The following FAM91A1 variants were observed in gnomAD, a reference collection of about 807,000 sequenced individuals.
The protein encoded by FAM91A1 is family with sequence similarity 91 member A1.
FAM91A1 carries 41 observed loss-of-function variants against 113.5 expected under a neutral mutation model. That is an observed-to-expected ratio of 0.36 (90% confidence interval 0.28 to 0.47). The LOEUF (loss-of-function observed/expected upper bound fraction) is 0.47. FAM91A1 is among the 20% of genes least tolerant of loss of function. FAM91A1 has a pLI of 1.00. For synonymous variants in FAM91A1, 307 were observed against 347.9 expected, an observed-to-expected ratio of 0.88 and a Z score of 1.31; for missense variants, 696 against 1,001.2, an observed-to-expected ratio of 0.70 and a Z score of 4.11.
At chr8:123,771,727 A>T (rs914058874) in intron 1 of FAM91A1, among the ~76,000 whole-genome samples, 3 of 152,160 alleles carry the variant, frequency 2.0e-5, no homozygotes, top group Non-Finnish European at 2.9e-5. Flanking sequence ...AATTTAAAAA[A>T]TTTTTTGATG....
At chr8:123,769,202 T>G (rs1276331049) in intron 1 of FAM91A1, among the ~76,000 whole-genome samples, 1 of 152,164 alleles carries the variant, frequency 6.6e-6, no homozygotes, top group African/African-American at 2.4e-5. Flanking sequence ...GAAATTATCC[T>G]GGGAGAGTTG....
At chr8:123,791,412 A>G (rs1586383098) in intron 15 of FAM91A1, among the ~76,000 whole-genome samples, 2 of 152,024 alleles carry the variant, frequency 1.3e-5, no homozygotes, top group Admixed American at 1.3e-4. Context: ...TTTTTTCCCC[A>G]TGAATAGTCA....
At chr8:123,812,400 TAC>T in intron 23 of FAM91A1, 117 bp from the exon 24 acceptor site, 3 of 782,524 alleles carry the variant, frequency 3.8e-6, no homozygotes, top group South Asian at 2.1e-5. Context: ...GCATCTCCTG[TAC>T]TGCTTTGCAA....
Position 123,777,305 on chromosome 8 carries a change from A to G in FAM91A1, c.350A>G (p.Asn117Ser), listed in dbSNP as rs1286200610. The G allele has an allele frequency of 1.1e-5, 18 of 1,612,072 alleles. No homozygotes were observed. The highest frequency in any genetic ancestry group is 1.3e-5 in the African/African-American group (1 of 74,868). ...GAGAAAAGTTATGATTCATTGCCCA[A>G]TTTTACTGCTGCTGACTGTAAGTAT... ...NSEKSYDSLPNFTAADCLRLL... is the reference protein window; with the variant it reads ...NSEKSYDSLPSFTAADCLRLL... The change falls in exon 4 of 24, where the codon AAT (asparagine) becomes AGT (serine). Residue 117 changes from asparagine (N) to serine (S), a missense_variant. Coordinates refer to ENST00000334705, the MANE Select transcript of FAM91A1 (RefSeq NM_144963.4).
Position 123,812,724 on chromosome 8 carries a change from G to A in FAM91A1, c.*20G>A. 1 of 1,518,962 alleles carries A rather than the reference G, an allele frequency of 6.6e-7. No individual in the cohort carries two copies. Among genetic ancestry groups the A allele is most frequent in the Non-Finnish European group, 8.8e-7 (1 of 1,137,012 alleles). 94.1% of individuals were successfully genotyped at this position (1,518,962 alleles called of 1,614,324 possible). A position where few individuals can be genotyped will look rare whatever the true frequency, so the allele number is the denominator to read the frequency against. ...CAATAATTTGGTTACACCATTTGTT[G>A]CTCACACTTTCTGCCTTTTTTCTTT... is the stretch of plus-strand genomic sequence containing the variant. On this transcript the variant is annotated 3_prime_UTR_variant, in exon 24 of 24. Transcript: ENST00000334705.
chr8:123,780,041 ACT>A lies in FAM91A1; in HGVS notation c.611_612del (p.Ser204TrpfsTer10). ...VDKIIDSGPQ[L>X]SGSLDYNVVH... Reference sequence around the variant, plus strand: ...ATAAGATCATCGATTCAGGCCCTCAACTCTCTGGATCACTAGATTACAATGTA... The same window carrying A: ...ATAAGATCATCGATTCAGGCCCTCAACTCTGGATCACTAGATTACAATGTA... On this transcript the variant is annotated frameshift_variant, in exon 7 of 24. Coordinates refer to ENST00000334705, the MANE Select transcript of FAM91A1 (RefSeq NM_144963.4). LOFTEE classifies it high-confidence loss of function. The A allele has an allele frequency of 6.2e-7, 1 of 1,613,560 alleles. No individual in the cohort carries two copies. The highest frequency in any genetic ancestry group is 8.5e-7 in the Non-Finnish European group (1 of 1,179,668).
intron 15 of FAM91A1, among the ~76,000 whole-genome samples, chr8:123,795,446 G>A (rs1815492230): frequency 6.8e-6 from 1 of 147,376 alleles, no homozygotes; most frequent in African/African-American, 2.5e-5. Flanking sequence ...GTAAAAGTGT[G>A]TGCATCTTCC....
At chr8:123,809,304 G>A (rs1586398058) in intron 22 of FAM91A1, among the ~76,000 whole-genome samples, 2 of 152,230 alleles carry the variant, frequency 1.3e-5, no homozygotes, top group African/African-American at 4.8e-5. Context: ...CTGATATGGA[G>A]TATGAACCTA....
chr8:123,791,806 T>A (rs981029536), intron 15 of FAM91A1, among the ~76,000 whole-genome samples: 3 of 152,208 alleles, frequency 2.0e-5, no homozygotes, highest in Non-Finnish European at 4.4e-5. Flanking sequence ...CATTAAGGCT[T>A]CATGCTCAGC....
chr8:123,768,951 C>A (rs533163809), intron 1 of FAM91A1, among the ~76,000 whole-genome samples, 177 bp downstream of exon 1: 79 of 152,306 alleles, frequency 5.2e-4, no homozygotes, highest in African/African-American at 1.8e-3. Context: ...GGCTGTGGGG[C>A]CACAGGGCCA....
rs1284958418 is a variant in FAM91A1 at position 123,775,160 on chromosome 8, G to C, written c.171G>C (p.Lys57Asn). The C allele has an allele frequency of 1.7e-5, 28 of 1,605,678 alleles. No individual in the cohort carries two copies. Among genetic ancestry groups the C allele is most frequent in the Non-Finnish European group, 2.4e-5 (28 of 1,175,888 alleles). ...TCTTTTGTGCAGTTAAACATGTCAA[G>C]AAAGATGAACGCAGATACTATGAGG... ...RYRNNLVKHV[K>N]KDERRYYEEL... Residue 57 changes from lysine (K) to asparagine (N), a missense_variant, in exon 3 of 24, where the codon AAG becomes AAC. By Grantham distance (94) the Lys-to-Asn change is moderately conservative. Transcript: ENST00000334705.
intron 23 of FAM91A1, chr8:123,811,093 T>C (rs2130169058): frequency 6.6e-6 from 1 of 152,364 alleles, no homozygotes; most frequent in African/African-American, 2.4e-5. Context: ...CAGGATAATA[T>C]AAGCTGAAGC....
At chr8:123,789,205 T>A (rs1586381131) in intron 14 of FAM91A1, among the ~76,000 whole-genome samples, 1 of 152,182 alleles carries the variant, frequency 6.6e-6, no homozygotes, top group African/African-American at 2.4e-5. Flanking sequence ...AATCACAGAC[T>A]CCAGTGTCTC....
intron 18 of FAM91A1, among the ~76,000 whole-genome samples, chr8:123,800,591 A>G (rs1028884494): frequency 1.8e-4 from 28 of 152,176 alleles, no homozygotes; most frequent in African/African-American, 6.5e-4. Flanking sequence ...ATGTACAGCC[A>G]TCACCACACT....
intron 14 of FAM91A1, among the ~76,000 whole-genome samples, chr8:123,789,210 T>G (rs1815325684): frequency 6.6e-6 from 1 of 152,198 alleles, no homozygotes; most frequent in Non-Finnish European, 1.5e-5. Flanking sequence ...CAGACTCCAG[T>G]GTCTCTTGTA....
intron 19 of FAM91A1, 26 bp downstream of exon 19, chr8:123,805,365 C>CT (rs71576705): frequency 0.054 from 66,282 of 1,218,158 alleles, no homozygotes; most frequent in South Asian, 0.061. Flanking sequence ...TATCTATTGA[C>CT]TTTTTTTTTT....
chr8:123,776,729 C>T (rs1814991610), intron 3 of FAM91A1, among the ~76,000 whole-genome samples: 1 of 152,150 alleles, frequency 6.6e-6, no homozygotes, highest in South Asian at 2.1e-4. Flanking sequence ...CGGTAGAAAA[C>T]GGGCCTTATC....
Position 123,814,942 on chromosome 8 carries a change from T to C in FAM91A1, c.*2238T>C, listed in dbSNP as rs1291237922. 6.6e-6 allele frequency: 1 copy of C among 152,646 alleles called. No homozygotes were observed. The highest frequency in any genetic ancestry group is 3.2e-3 in the Middle Eastern group (1 of 316). 9.5% of individuals were successfully genotyped at this position (152,646 alleles called of 1,614,324 possible). A position where few individuals can be genotyped will look rare whatever the true frequency, so the allele number is the denominator to read the frequency against. ...TTATTTTGCAAATAGTTAATTTCAT[T>C]TGGCTTTTTACCATGTTCCTTCCTT... On this transcript the variant is annotated 3_prime_UTR_variant, in exon 24 of 24. Transcript: ENST00000334705.
chr8:123,796,932 G>A (rs866008952), intron 15 of FAM91A1, among the ~76,000 whole-genome samples: 11 of 151,674 alleles, frequency 7.3e-5, no homozygotes, highest in Admixed American at 1.3e-4. Flanking sequence ...GTGGTGGCGC[G>A]CACCTGTAGT....
Sources: allele counts gnomAD v4.1 joint callset (sites outside exome capture counted in the v4.1 genomes callset), GRCh38; gene constraint gnomAD v4.1.1; transcripts MANE v1.5; gene names NCBI Gene and HGNC (gene_info 2026-07-23, HGNC 2026-07-21).